Variants in MACROD2 observed in about 807,000 individuals in gnomAD.
The protein encoded by MACROD2 is mono-ADP ribosylhydrolase 2.
A neutral mutation model predicts 70.4 loss-of-function variants in MACROD2; 36 were observed. The ratio of observed to expected loss-of-function variants is 0.51; its 90% CI spans 0.39 to 0.68. The LOEUF (loss-of-function observed/expected upper bound fraction) is 0.68, where lower values mean the gene tolerates loss of function less well. Among genes scored for constraint, MACROD2 ranks in the 30% least tolerant of loss-of-function variants. The pLI is 0.00. For synonymous variants in MACROD2, 172 were observed against 178.8 expected (o/e 0.96, Z 0.30); for missense variants, 496 against 538.4 (o/e 0.92, Z 0.78).
intron 6 of MACROD2, among the ~76,000 whole-genome samples, chr20:15,346,483 T>A (rs2078167661): frequency 1.3e-5 from 2 of 152,062 alleles, no homozygotes; most frequent in Admixed American, 6.5e-5. Context: ...GAAGTTCACA[T>A]ATTGTTGAGT....
chr20:15,239,870 A>G (rs1025080427), intron 6 of MACROD2, among the ~76,000 whole-genome samples: 3 of 152,132 alleles, frequency 2.0e-5, no homozygotes, highest in African/African-American at 7.2e-5. Context: ...TACCCTCTCA[A>G]TGGTGATGTG....
intron 6 of MACROD2, among the ~76,000 whole-genome samples, chr20:15,321,859 C>G (rs2077876852): frequency 6.9e-6 from 1 of 143,986 alleles, no homozygotes; most frequent in African/African-American, 2.5e-5. Flanking sequence ...GTTGCATGAT[C>G]TCGACTCACT....
intron 7 of MACROD2, among the ~76,000 whole-genome samples, chr20:15,439,129 A>G (rs187544640): frequency 6.6e-6 from 1 of 152,302 alleles, no homozygotes; most frequent in East Asian, 1.9e-4. Flanking sequence ...GTGGTTTATT[A>G]CAGCCCATGG....
chr20:15,505,558 C>T (rs141553101), intron 8 of MACROD2, among the ~76,000 whole-genome samples: 2,598 of 152,242 alleles, frequency 0.017, 35 homozygotes, highest in Middle Eastern at 0.031. Flanking sequence ...CCAGCATCAT[C>T]TCTGTGGGCT....
chr20:15,041,431 A>G (rs1313065979), intron 5 of MACROD2, among the ~76,000 whole-genome samples: 1 of 151,956 alleles, frequency 6.6e-6, no homozygotes, highest in Non-Finnish European at 1.5e-5. Flanking sequence ...ATTTTTTTAA[A>G]TTAATTTCTC....
intron 8 of MACROD2, among the ~76,000 whole-genome samples, chr20:15,777,439 T>A (rs936859126): frequency 1.4e-5 from 1 of 69,008 alleles, no homozygotes; most frequent in African/African-American, 8.9e-5. Context: ...GAGAGACATG[T>A]TTTTTTTTTT....
At chr20:14,172,986 T>C (rs1342923459) in intron 3 of MACROD2, among the ~76,000 whole-genome samples, 1 of 152,224 alleles carries the variant, frequency 6.6e-6, no homozygotes, top group Non-Finnish European at 1.5e-5. Context: ...CACTTCTAGC[T>C]TGTAGGGTTT....
chr20:15,931,658 A>T (rs2065578921), intron 10 of MACROD2, among the ~76,000 whole-genome samples: 1 of 151,970 alleles, frequency 6.6e-6, no homozygotes, highest in African/African-American at 2.4e-5. Flanking sequence ...AAAAAAAAAA[A>T]AGTAGTTATA....
At chr20:15,583,470 G>A (rs899102580) in intron 8 of MACROD2, among the ~76,000 whole-genome samples, 3 of 152,100 alleles carry the variant, frequency 2.0e-5, no homozygotes, top group African/African-American at 4.8e-5. Context: ...GAGTGGCTCC[G>A]TTTGGAGCAG....
At chr20:15,130,584 C>T (rs1475555288) in intron 5 of MACROD2, among the ~76,000 whole-genome samples, 1 of 151,932 alleles carries the variant, frequency 6.6e-6, no homozygotes, top group Non-Finnish European at 1.5e-5. Context: ...TTGATGTCTC[C>T]ATGATGGCAT....
chr20:14,298,148 C>T (rs1289380467), intron 3 of MACROD2, among the ~76,000 whole-genome samples: 1 of 151,904 alleles, frequency 6.6e-6, no homozygotes, highest in African/African-American at 2.4e-5. Context: ...TGACAATGCA[C>T]CTAGTCACCC....
intron 7 of MACROD2, among the ~76,000 whole-genome samples, chr20:15,469,277 G>T (rs567984340): frequency 2.6e-4 from 40 of 152,334 alleles, no homozygotes; most frequent in Admixed American, 1.5e-3. Context: ...AAGAAAGGAG[G>T]TGGGAAATGG....
intron 13 of MACROD2, among the ~76,000 whole-genome samples, chr20:15,983,088 G>C (rs1476383118): frequency 6.6e-6 from 1 of 152,226 alleles, no homozygotes; most frequent in Non-Finnish European, 1.5e-5. Context: ...TTTAACTCAT[G>C]AAAAGCTCGT....
intron 8 of MACROD2, among the ~76,000 whole-genome samples, chr20:15,611,792 A>G (rs2048973673): frequency 6.7e-6 from 1 of 150,134 alleles, no homozygotes; most frequent in Admixed American, 6.7e-5. Context: ...AGAGATCTAA[A>G]TCTAGCAATT....
intron 3 of MACROD2, 114 bp downstream of exon 3, chr20:14,085,842 C>T (rs1389668441): frequency 5.4e-6 from 3 of 552,936 alleles, no homozygotes; most frequent in Non-Finnish European, 3.0e-6. Context: ...GTAGAAATGT[C>T]TATTCTGTTT....
chr20:14,376,271 A>C (rs1044672058), intron 3 of MACROD2, among the ~76,000 whole-genome samples: 1 of 152,044 alleles, frequency 6.6e-6, no homozygotes, highest in Non-Finnish European at 1.5e-5. Flanking sequence ...AAATTTTTTC[A>C]ATTTACACCT....
intron 3 of MACROD2, among the ~76,000 whole-genome samples, chr20:14,190,156 CACTTT>C (rs1049361543): frequency 3.3e-5 from 5 of 152,242 alleles, no homozygotes; most frequent in African/African-American, 7.2e-5. Context: ...CTGGATATGC[CACTTT>C]ACTTCTTTAG....
chr20:14,811,510 A>G (rs1041833080), intron 5 of MACROD2, among the ~76,000 whole-genome samples: 3 of 152,192 alleles, frequency 2.0e-5, no homozygotes, highest in Non-Finnish European at 2.9e-5. Context: ...CATTCAGGAC[A>G]TAGGCATGGG....
chr20:15,625,377 G>A (rs1234443970), intron 8 of MACROD2, among the ~76,000 whole-genome samples: 1 of 152,152 alleles, frequency 6.6e-6, no homozygotes, highest in Non-Finnish European at 1.5e-5. Flanking sequence ...GCTGGGTTCG[G>A]CTCTAGGGAA....
Sources: gnomAD v4.1 joint callset for allele counts (sites outside exome capture counted in the v4.1 genomes callset) on GRCh38, gnomAD v4.1.1 for gene constraint, MANE v1.5 for transcripts, NCBI Gene and HGNC (gene_info 2026-07-23, HGNC 2026-07-21) for gene names.